Variants in KRTAP10-10 observed in about 807,000 individuals in gnomAD.
KRTAP10-10 encodes keratin associated protein 10-10, also known as keratin-associated protein 10-10.
For missense variants in KRTAP10-10, 324 were observed against 319.9 expected, an observed-to-expected ratio of 1.01 and a Z score of -0.10; for synonymous variants, 139 against 137.6, an observed-to-expected ratio of 1.01 and a Z score of -0.07.
the KRTAP10-10 span, chr21:44,638,019 CCTGCTGCG>C: frequency 1.2e-6 from 2 of 1,612,898 alleles, no homozygotes; most frequent in Non-Finnish European, 1.7e-6. Flanking sequence ...TGCAAGTCCA[CCTGCTGCG>C]TGCCCGTCCC....
At position 44,638,312 on chromosome 21, in the gene KRTAP10-10, A is replaced by T. The variant is rs1785474; in HGVS notation, c.*139A>T. On this transcript the variant is annotated 3_prime_UTR_variant, in exon 1 of 1. Transcript: ENST00000380095. ...GTCTTGGGGACCAGGATGCTCCCCC[A>T]GTCCTTCCCAGATGATGGCTGCCTG... 0.53 allele frequency: 300,636 copies of T among 568,618 alleles called. 92,624 individuals carry two copies. Among genetic ancestry groups the T allele is most frequent in the South Asian group, 0.7 (30,458 of 43,774 alleles). The allele number at this position is 568,618 out of a possible 1,614,324, so 35.2% of individuals were successfully genotyped here. A position where few individuals can be genotyped will look rare whatever the true frequency, so the allele number is the denominator to read the frequency against.
Position 44,637,695 on chromosome 21 carries a change from CCTG to C in KRTAP10-10, c.282_284del (p.Cys95del), listed in dbSNP as rs782763164. On this transcript the variant is annotated inframe_deletion, in exon 1 of 1. Transcript: ENST00000380095. Reference sequence around the variant, plus strand: ...TGCACCTCCTCCCCCTGCCAGCAGGCCTGCTGTGTGCCTGTCTGCTGTGTGCCC... The same window carrying C: ...TGCACCTCCTCCCCCTGCCAGCAGGCCTGTGTGCCTGTCTGCTGTGTGCCC... 1 of 1,578,618 alleles carries C rather than the reference CCTG, an allele frequency of 6.3e-7. No individual in the cohort carries two copies. Among genetic ancestry groups the C allele is most frequent in the African/African-American group, 1.4e-5 (1 of 71,254 alleles).
At position 44,637,797 on chromosome 21, in the gene KRTAP10-10, G is replaced by A. The variant is rs370050447; in HGVS notation, c.380G>A (p.Cys127Tyr). Reference sequence around the variant, plus strand: ...TGCTCCGAGTCTTCCCCTTCATGCTGCCAGCAGTCTAGCTGCCAGCCAACT... The same window carrying A: ...TGCTCCGAGTCTTCCCCTTCATGCTACCAGCAGTCTAGCTGCCAGCCAACT... ...PTCSESSPSC[C>Y]QQSSCQPTCC... The change falls in exon 1 of 1, where the codon TGC (cysteine) becomes TAC (tyrosine). Residue 127 changes from cysteine (C) to tyrosine (Y), a missense_variant. Transcript: ENST00000380095. 31 of 1,357,272 alleles carry A rather than the reference G, an allele frequency of 2.3e-5. 1 individual carries two copies. In the South Asian group the frequency reaches 4.1e-4, roughly 18 times the overall value. 84.1% of individuals were successfully genotyped at this position (1,357,272 alleles called of 1,614,324 possible).
In KRTAP10-10 at chr21:44,637,659, A is replaced by G. The variant is rs1393401064; in HGVS notation, c.242A>G (p.Gln81Arg). ...TTPCYQQSSC[Q>R]PDCCTSSPCQ... ...CCATGCTACCAGCAGTCTAGCTGCC[A>G]GCCGGATTGCTGCACCTCCTCCCCC... is the stretch of plus-strand genomic sequence containing the variant. The change falls in exon 1 of 1, where the codon CAG (glutamine) becomes CGG (arginine). Residue 81 changes from glutamine to arginine, a missense_variant. Transcript: ENST00000380095. The G allele has an allele frequency of 6.3e-7, 1 of 1,581,716 alleles. No homozygotes were observed. Among genetic ancestry groups the G allele is most frequent in the Non-Finnish European group, 8.6e-7 (1 of 1,162,358 alleles).
chr21:44,637,439 A>G lies in KRTAP10-10; in HGVS notation c.22A>G (p.Ile8Val), dbSNP rs1555936982. 1 of 1,609,994 alleles carries G rather than the reference A, an allele frequency of 6.2e-7. No homozygotes were observed. The highest frequency in any genetic ancestry group is 8.5e-7 in the Non-Finnish European group (1 of 1,178,050). The change falls in exon 1 of 1, where the codon ATC (isoleucine) becomes GTC (valine). Residue 8 changes from isoleucine to valine, a missense_variant. Coordinates refer to ENST00000380095, the MANE Select transcript of KRTAP10-10 (RefSeq NM_181688.3). ...CAGCATGGCCGCCTCCACCATGTCC[A>G]TCTGCTCCAGCGCCTGCACTGACTC... Reference protein sequence around the residue: MAASTMSICSSACTDSWR... With the variant: MAASTMSVCSSACTDSWR...
In KRTAP10-10 at chr21:44,637,545, C is replaced by G. The variant is rs587667830; in HGVS notation, c.128C>G (p.Thr43Ser). The G allele has an allele frequency of 6.2e-7, 1 of 1,613,630 alleles. No homozygotes were observed. The highest frequency in any genetic ancestry group is 1.3e-5 in the African/African-American group (1 of 75,020). The stretch of plus-strand genomic sequence containing the variant: ...GCCCCCAGCTTGACCCTGGTCTGCA[C>G]CCCAGTGAGCTGTGTGTCCAGCCCC... ...APAPSLTLVCTPVSCVSSPCC... is the reference protein window; with the variant it reads ...APAPSLTLVCSPVSCVSSPCC... The change falls in exon 1 of 1, where the codon ACC becomes AGC. Residue 43 changes from threonine (T) to serine (S), a missense_variant. Transcript: ENST00000380095.
Position 44,638,058 on chromosome 21 carries a change from C to T in KRTAP10-10, c.641C>T (p.Ser214Phe), listed in dbSNP as rs1555937553. The stretch of plus-strand genomic sequence containing the variant: ...GTCCCCTCCTGCGGTGCCTCTGCCT[C>T]CTCCTGCCAGCCCAGCTGCTGCCGC... ...VPVPSCGASA[S>F]SCQPSCCRTA... The change falls in exon 1 of 1, where the codon TCC (serine) becomes TTC (phenylalanine). Residue 214 changes from serine (S) to phenylalanine (F), a missense_variant. Ser to Phe is a radical substitution (Grantham distance 155, BLOSUM62 -2). Transcript: ENST00000380095. 6.2e-7 allele frequency: 1 copy of T among 1,613,304 alleles called. No homozygotes were observed. The highest frequency in any genetic ancestry group is 1.7e-5 in the Admixed American group (1 of 59,920).
Position 44,637,809 on chromosome 21 carries a change from G to C in KRTAP10-10, c.392G>C (p.Ser131Thr), listed in dbSNP as rs2146220752. The C allele has an allele frequency of 2.9e-6, 4 of 1,368,608 alleles. No homozygotes were observed. Among genetic ancestry groups the C allele is most frequent in the Non-Finnish European group, 4.0e-6 (4 of 996,652 alleles). 84.8% of individuals were successfully genotyped at this position (1,368,608 alleles called of 1,614,324 possible). A position where few individuals can be genotyped will look rare whatever the true frequency, so the allele number is the denominator to read the frequency against. Reference protein sequence around the residue: ...ESSPSCCQQSSCQPTCCTSSP... With the variant: ...ESSPSCCQQSTCQPTCCTSSP... ...TCCCCTTCATGCTGCCAGCAGTCTA[G>C]CTGCCAGCCAACTTGCTGCACCTCC... The change falls in exon 1 of 1, where the codon AGC becomes ACC. Residue 131 changes from serine to threonine, a missense_variant. Transcript: ENST00000380095.
Position 44,638,311 on chromosome 21 carries a change from C to CA in KRTAP10-10, c.*139dup. On this transcript the variant is annotated 3_prime_UTR_variant, in exon 1 of 1. Coordinates refer to ENST00000380095, the MANE Select transcript of KRTAP10-10 (RefSeq NM_181688.3). ...TGTCTTGGGGACCAGGATGCTCCCC[C>CA]AGTCCTTCCCAGATGATGGCTGCCT... 2.8e-6 allele frequency: 2 copies of CA among 706,812 alleles called. No individual in the cohort carries two copies. Among genetic ancestry groups the CA allele is most frequent in the Non-Finnish European group, 4.2e-6 (2 of 476,364 alleles). The allele number at this position is 706,812 out of a possible 1,614,324, so 43.8% of individuals were successfully genotyped here.
At position 44,637,839 on chromosome 21, in the gene KRTAP10-10, C is replaced by T; in HGVS notation, c.422C>T (p.Pro141Leu). The T allele has an allele frequency of 7.2e-7, 1 of 1,386,320 alleles. No homozygotes were observed. The highest frequency in any genetic ancestry group is 9.9e-7 in the Non-Finnish European group (1 of 1,009,566). 85.9% of individuals were successfully genotyped at this position (1,386,320 alleles called of 1,614,324 possible). A position where few individuals can be genotyped will look rare whatever the true frequency, so the allele number is the denominator to read the frequency against. ...SCQPTCCTSS[P>L]CQQACCVPVC... ...CAGCCAACTTGCTGCACCTCCTCCC[C>T]ATGCCAGCAGGCCTGCTGTGTGCCT... is the stretch of plus-strand genomic sequence containing the variant. Residue 141 changes from proline (P) to leucine (L), a missense_variant, in exon 1 of 1, where the codon CCA (proline) becomes CTA (leucine). Coordinates refer to ENST00000380095, the MANE Select transcript of KRTAP10-10 (RefSeq NM_181688.3).
Position 44,637,780 on chromosome 21 carries a change from G to C in KRTAP10-10, c.363G>C (p.Glu121Asp). The C allele has an allele frequency of 7.4e-7, 1 of 1,350,948 alleles. No homozygotes were observed. Among genetic ancestry groups the C allele is most frequent in the Middle Eastern group, 1.9e-4 (1 of 5,142 alleles). The allele number at this position is 1,350,948 out of a possible 1,614,324, so 83.7% of individuals were successfully genotyped here. The change falls in exon 1 of 1, where the codon GAG (glutamate) becomes GAC (aspartate). Residue 121 changes from glutamate to aspartate, a missense_variant. Physicochemically the swap from Glu to Asp is conservative, Grantham distance 45 (BLOSUM62 2). Coordinates refer to ENST00000380095, the MANE Select transcript of KRTAP10-10 (RefSeq NM_181688.3). Reference protein sequence around the residue: ...KPVCFVPTCSESSPSCCQQSS... With the variant: ...KPVCFVPTCSDSSPSCCQQSS... ...TGTGCTTCGTGCCTACCTGCTCCGAGTCTTCCCCTTCATGCTGCCAGCAGT... is the reference window on the plus strand; with the variant it reads ...TGTGCTTCGTGCCTACCTGCTCCGACTCTTCCCCTTCATGCTGCCAGCAGT...
At position 44,638,283 on chromosome 21, in the gene KRTAP10-10, CTT is replaced by C. The variant is rs1983797431; in HGVS notation, c.*112_*113del. On this transcript the variant is annotated 3_prime_UTR_variant, in exon 1 of 1. Coordinates refer to ENST00000380095, the MANE Select transcript of KRTAP10-10 (RefSeq NM_181688.3). ...ACACCCTCAGAAGGTGGGGCAGGCT[CTT>C]TGTCTTGGGGACCAGGATGCTCCCC... is the stretch of plus-strand genomic sequence containing the variant. 7.0e-7 allele frequency: 1 copy of C among 1,429,000 alleles called. No homozygotes were observed. The highest frequency in any genetic ancestry group is 1.5e-5 in the African/African-American group (1 of 66,728). The allele number at this position is 1,429,000 out of a possible 1,614,324, so 88.5% of individuals were successfully genotyped here.
rs782570411 is a variant in KRTAP10-10, at chr21:44,637,738, C to T, written c.321C>T (p.Pro107=). 1.3e-4 allele frequency: 172 copies of T among 1,323,272 alleles called. No individual in the cohort carries two copies. The highest frequency in any genetic ancestry group is 1.4e-4 in the Non-Finnish European group (138 of 973,940). 82.0% of individuals were successfully genotyped at this position (1,323,272 alleles called of 1,614,324 possible). The change falls in exon 1 of 1, where the codon CCC becomes CCT. Residue 107 remains proline (P), a synonymous_variant. Coordinates refer to ENST00000380095, the MANE Select transcript of KRTAP10-10 (RefSeq NM_181688.3). ...PVCCVPVCCV[P]VCNKPVCFVP... is the part of the protein sequence containing the mutation. Reference sequence around the variant, plus strand: ...GCTGTGTGCCCGTCTGCTGCGTGCCCGTCTGTAACAAGCCTGTGTGCTTCG... The same window carrying T: ...GCTGTGTGCCCGTCTGCTGCGTGCCTGTCTGTAACAAGCCTGTGTGCTTCG...
Position 44,638,261 on chromosome 21 carries a change from C to T in KRTAP10-10, c.*88C>T, listed in dbSNP as rs1343603048. On this transcript the variant is annotated 3_prime_UTR_variant, in exon 1 of 1. Coordinates refer to ENST00000380095, the MANE Select transcript of KRTAP10-10 (RefSeq NM_181688.3). ...AGCTCTGCCCTCTCTGGCTTTGACACCCTCAGAAGGTGGGGCAGGCTCTTT... is the reference window on the plus strand; with the variant it reads ...AGCTCTGCCCTCTCTGGCTTTGACATCCTCAGAAGGTGGGGCAGGCTCTTT... The T allele has an allele frequency of 6.6e-7, 1 of 1,512,794 alleles. No individual in the cohort carries two copies. The highest frequency in any genetic ancestry group is 8.9e-7 in the Non-Finnish European group (1 of 1,128,898). The allele number at this position is 1,512,794 out of a possible 1,614,324, so 93.7% of individuals were successfully genotyped here.
the KRTAP10-10 span, chr21:44,637,928 C>T: frequency 6.2e-7 from 1 of 1,613,038 alleles, no homozygotes; most frequent in East Asian, 2.2e-5. Context: ...ATGCTGCCAG[C>T]AGTCTAGCTG....
rs1983786377 is a variant in KRTAP10-10 at position 44,638,157 on chromosome 21, A to G, written c.740A>G (p.Gln247Arg). 5.6e-6 allele frequency: 9 copies of G among 1,610,012 alleles called. No homozygotes were observed. The highest frequency in any genetic ancestry group is 7.6e-6 in the Non-Finnish European group (9 of 1,177,536). ...RPACYSLCSG[Q>R]KSSC ...GCCTGCTACAGCCTCTGCTCTGGCC[A>G]GAAGTCCAGCTGCTGACAGCCCTGG... Residue 247 changes from glutamine (Q) to arginine (R), a missense_variant, in exon 1 of 1, where the codon CAG becomes CGG. Gln to Arg is a conservative substitution (Grantham distance 43). Coordinates refer to ENST00000380095, the MANE Select transcript of KRTAP10-10 (RefSeq NM_181688.3).
In KRTAP10-10 at chr21:44,638,158, G is replaced by A. The variant is rs1555937647; in HGVS notation, c.741G>A (p.Gln247=). 2 of 1,609,980 alleles carry A rather than the reference G, an allele frequency of 1.2e-6. No homozygotes were observed. The highest frequency in any genetic ancestry group is 8.5e-7 in the Non-Finnish European group (1 of 1,177,492). The part of the protein sequence containing the change: ...RPACYSLCSG[Q]KSSC ...CCTGCTACAGCCTCTGCTCTGGCCA[G>A]AAGTCCAGCTGCTGACAGCCCTGGA... The change falls in exon 1 of 1, where the codon CAG becomes CAA. Residue 247 remains glutamine (Q), a synonymous_variant. Coordinates refer to ENST00000380095, the MANE Select transcript of KRTAP10-10 (RefSeq NM_181688.3).
Position 44,637,471 on chromosome 21 carries a change from G to A in KRTAP10-10, c.54G>A (p.Arg18=), listed in dbSNP as rs1555937017. 2 of 1,613,234 alleles carry A rather than the reference G, an allele frequency of 1.2e-6. No individual in the cohort carries two copies. Among genetic ancestry groups the A allele is most frequent in the African/African-American group, 2.7e-5 (2 of 74,870 alleles). Residue 18 remains arginine, a synonymous_variant, in exon 1 of 1, where the codon CGG becomes CGA. Coordinates refer to ENST00000380095, the MANE Select transcript of KRTAP10-10 (RefSeq NM_181688.3). ...CCAGCGCCTGCACTGACTCTTGGCGGGTAGTCGACTGCCCAGAGAGCTGCT... is the reference window on the plus strand; with the variant it reads ...CCAGCGCCTGCACTGACTCTTGGCGAGTAGTCGACTGCCCAGAGAGCTGCT... The part of the protein sequence containing the change: ...ICSSACTDSW[R]VVDCPESCCE...
Position 44,637,928 on chromosome 21 carries a change from C to A in KRTAP10-10, c.511C>A (p.Gln171Lys), listed in dbSNP as rs2146221321. Residue 171 changes from glutamine (Q) to lysine (K), a missense_variant, in exon 1 of 1, where the codon CAG becomes AAG. Transcript: ENST00000380095. The stretch of plus-strand genomic sequence containing the variant: ...TGGGGCTTCCACTTCATGCTGCCAG[C>A]AGTCTAGCTGCCAGCCTGCTTGCTG... ...CSGASTSCCQ[Q>K]SSCQPACCTA... 3.1e-6 allele frequency: 5 copies of A among 1,613,038 alleles called. No individual in the cohort carries two copies. Among genetic ancestry groups the A allele is most frequent in the Non-Finnish European group, 4.2e-6 (5 of 1,179,182 alleles).
Sources: gnomAD v4.1 joint callset for allele counts on GRCh38, gnomAD v4.1.1 for gene constraint, MANE v1.5 for transcripts, NCBI Gene and HGNC (gene_info 2026-07-23, HGNC 2026-07-21) for gene names.